The following CKM variants were observed in gnomAD, a reference collection of about 807,000 sequenced individuals.
The protein encoded by CKM is creatine kinase M-type.
CKM carries 28 observed loss-of-function variants against 35.4 expected under a neutral mutation model. The ratio of observed to expected loss-of-function variants is 0.79; its 90% CI spans 0.59 to 1.08. CKM has a LOEUF of 1.08. Among genes scored for constraint, CKM ranks in the 50% least tolerant of loss-of-function variants. The probability of loss-of-function intolerance (pLI) is 0.00; values close to 1 mark genes in which losing one functional copy is unlikely to be tolerated. For missense variants in CKM, 484 were observed against 509.8 expected (o/e 0.95, Z 0.49); for synonymous variants, 215 against 204.4 (o/e 1.05, Z -0.44).
In CKM at chr19:45,306,838, A is replaced by G; in HGVS notation, c.1058T>C (p.Val353Ala). The G allele has an allele frequency of 1.9e-6, 3 of 1,614,170 alleles. No homozygotes were observed. The highest frequency in any genetic ancestry group is 2.5e-6 in the Non-Finnish European group (3 of 1,180,024). Residue 353 changes from valine to alanine, a missense_variant, in exon 8 of 8, where the codon GTG becomes GCG. Val to Ala is a moderately conservative substitution (Grantham distance 64, BLOSUM62 0). Coordinates refer to ENST00000221476, the MANE Select transcript of CKM (RefSeq NM_001824.5). This position sits in a 1 kb window ranked among gnomAD's most constrained non-coding sequence, Gnocchi z 4.5. ...GSSEVEQVQL[V>A]VDGVKLMVEM... is the part of the protein sequence containing the mutation. ...CACCATGAGCTTCACACCATCCACC[A>G]CCAGCTGCACCTGTTCTACTTCGGA...
In CKM at chr19:45,315,383, CA is replaced by C. The variant is rs1971146999; in HGVS notation, c.481+81del. 3.3e-6 allele frequency: 5 copies of C among 1,516,262 alleles called. No individual in the cohort carries two copies. In the East Asian group the frequency reaches 1.2e-4, roughly 35 times the overall value. The allele number at this position is 1,516,262 out of a possible 1,614,324, so 93.9% of individuals were successfully genotyped here. ...TCCCCTACTTTGAAAAGCGGGGGCC[CA>C]AAGAGACCCGAGGACCTGCCCATGG... On this transcript the variant is annotated intron_variant, in intron 4 of 7. Transcript: ENST00000221476.
In CKM at chr19:45,311,883, G is replaced by C; in HGVS notation, c.519C>G (p.Tyr173Ter). ...NSLTGEFKGK[Y>*]YPLKSMTEKE... ...TCTCCGTCATGCTCTTCAGAGGGTA[G>C]TACTTCCCTTTGAACTCGCCCGTCA... Residue 173 changes from tyrosine (Y) to a stop codon, truncating the protein, a stop_gained, in exon 5 of 8, where the codon TAC becomes TAG. Coordinates refer to ENST00000221476, the MANE Select transcript of CKM (RefSeq NM_001824.5). LOFTEE classifies it high-confidence loss of function. The C allele has an allele frequency of 6.2e-7, 1 of 1,614,058 alleles. No homozygotes were observed. Among genetic ancestry groups the C allele is most frequent in the Non-Finnish European group, 8.5e-7 (1 of 1,179,956 alleles).
At chr19:45,311,713 G>A (rs756981797) in intron 5 of CKM, 36 bp downstream of exon 5, 7 of 1,534,746 alleles carry the variant, frequency 4.6e-6, no homozygotes, top group Middle Eastern at 1.9e-4. Flanking sequence ...AGGAGGCTGG[G>A]GGAAGAGGAA....
chr19:45,316,792 C>G (rs1971162599), intron 3 of CKM, among the ~76,000 whole-genome samples: 1 of 151,552 alleles, frequency 6.6e-6, no homozygotes, highest in African/African-American at 2.4e-5. Flanking sequence ...TAGGCAGAGT[C>G]TCGCTCTGTC....
chr19:45,318,510 G>C (rs1971181334), intron 2 of CKM, among the ~76,000 whole-genome samples: 1 of 151,890 alleles, frequency 6.6e-6, no homozygotes, highest in South Asian at 2.1e-4. Context: ...TGGGAGAGAA[G>C]AAAGAGTGCT....
Position 45,317,806 on chromosome 19 carries a change from C to T in CKM, c.348+19G>A. The T allele has an allele frequency of 6.2e-7, 1 of 1,614,014 alleles. No individual in the cohort carries two copies. The highest frequency in any genetic ancestry group is 1.3e-5 in the African/African-American group (1 of 75,020). On this transcript the variant is annotated intron_variant, in intron 3 of 7. Transcript: ENST00000221476. The stretch of plus-strand genomic sequence containing the variant: ...CTCCTCCTCACCCCTCGGCCCTCCC[C>T]TCCTGCGCAGACACCGACCTTGAGG...
intron 3 of CKM, among the ~76,000 whole-genome samples, chr19:45,316,843 T>C (rs1223793117): frequency 6.6e-6 from 1 of 151,238 alleles, no homozygotes; most frequent in Non-Finnish European, 1.5e-5. Context: ...AACACCAGCA[T>C]GCCTAGCTAA....
At position 45,311,863 on chromosome 19, in the gene CKM, G is replaced by A. The variant is rs145987658; in HGVS notation, c.539C>T (p.Thr180Met). ...KGKYYPLKSM[T>M]EKEQQQLIDD... is the part of the protein sequence containing the mutation. Reference sequence around the variant, plus strand: ...GATGAGCTGCTGCTGCTCCTTCTCCGTCATGCTCTTCAGAGGGTAGTACTT... The same window carrying A: ...GATGAGCTGCTGCTGCTCCTTCTCCATCATGCTCTTCAGAGGGTAGTACTT... Residue 180 changes from threonine (T) to methionine (M), a missense_variant, in exon 5 of 8, where the codon ACG (threonine) becomes ATG (methionine). Thr to Met is a moderately conservative substitution (Grantham distance 81). Coordinates refer to ENST00000221476, the MANE Select transcript of CKM (RefSeq NM_001824.5). 274 of 1,613,836 alleles carry A rather than the reference G, an allele frequency of 1.7e-4. No individual in the cohort carries two copies. The highest frequency in any genetic ancestry group is 2.2e-4 in the Non-Finnish European group (257 of 1,179,950).
intron 3 of CKM, among the ~76,000 whole-genome samples, chr19:45,317,052 C>T (rs568832073): frequency 5.3e-5 from 8 of 151,946 alleles, no homozygotes; most frequent in African/African-American, 1.9e-4. Flanking sequence ...GTCTGTCTGT[C>T]TCCTTGGTTG....
Position 45,319,579 on chromosome 19 carries a change from C to G in CKM, c.135G>C (p.Lys45Asn). 6.2e-7 allele frequency: 1 copy of G among 1,614,120 alleles called. No homozygotes were observed. The highest frequency in any genetic ancestry group is 8.5e-7 in the Non-Finnish European group (1 of 1,180,010). ...CTACAGTGAAGCCAGATGGAGTCTCCTTGTCCCGCAGCTTCTTGTAGAGTT... is the reference window on the plus strand; with the variant it reads ...CTACAGTGAAGCCAGATGGAGTCTCGTTGTCCCGCAGCTTCTTGTAGAGTT... ...TLELYKKLRD[K>N]ETPSGFTVDD... Residue 45 changes from lysine (K) to asparagine (N), a missense_variant, in exon 2 of 8, where the codon AAG becomes AAC. By Grantham distance (94) the Lys-to-Asn change is moderately conservative. Coordinates refer to ENST00000221476, the MANE Select transcript of CKM (RefSeq NM_001824.5).
chr19:45,322,420 C>A (rs1213447042), intron 1 of CKM, among the ~76,000 whole-genome samples: 1 of 152,250 alleles, frequency 6.6e-6, no homozygotes, highest in Non-Finnish European at 1.5e-5. Context: ...GCCTGCGACA[C>A]CTGCTCTTGC....
intron 2 of CKM, among the ~76,000 whole-genome samples, chr19:45,319,031 A>AT (rs1971186129): frequency 6.6e-6 from 1 of 151,522 alleles, no homozygotes; most frequent in Non-Finnish European, 1.5e-5. Flanking sequence ...ATTTTTTTGT[A>AT]TTTTTTGTAG....
intron 2 of CKM, among the ~76,000 whole-genome samples, chr19:45,318,614 A>G (rs1199807235): frequency 3.3e-5 from 5 of 152,086 alleles, no homozygotes; most frequent in Admixed American, 1.3e-4. Context: ...AAGTCATGAC[A>G]TCTTAGCCTG....
intron 6 of CKM, among the ~76,000 whole-genome samples, 193 bp from the exon 7 acceptor site, chr19:45,307,843 G>A (rs1435124011): frequency 2.0e-5 from 3 of 150,754 alleles, no homozygotes; most frequent in Non-Finnish European, 4.4e-5. Context: ...GAGGGGCGGG[G>A]ACTAAGAACG....
chr19:45,310,665 C>T (rs8109616), intron 5 of CKM, among the ~76,000 whole-genome samples: 3,377 of 150,090 alleles, frequency 0.022, 148 homozygotes, highest in African/African-American at 0.078. Flanking sequence ...TGCAGTACCT[C>T]GGTCATGATT....
chr19:45,306,739 T>A lies in CKM; in HGVS notation c.*11A>T, dbSNP rs759226984. On this transcript the variant is annotated 3_prime_UTR_variant, in exon 8 of 8. Transcript: ENST00000221476. The surrounding 1 kb of genome is among the most constrained non-coding windows in gnomAD (Gnocchi z 4.5). Reference sequence around the variant, plus strand: ...CTGGGTTCCAGCAGTCGGTGGCAGGTGGGCAGGCGCCTACTTCTGGGCGGG... The same window carrying A: ...CTGGGTTCCAGCAGTCGGTGGCAGGAGGGCAGGCGCCTACTTCTGGGCGGG... 1 of 1,613,580 alleles carries A rather than the reference T, an allele frequency of 6.2e-7. No homozygotes were observed. The highest frequency in any genetic ancestry group is 8.5e-7 in the Non-Finnish European group (1 of 1,179,970).
chr19:45,311,360 A>G (rs2123134942), intron 5 of CKM, among the ~76,000 whole-genome samples: 1 of 151,916 alleles, frequency 6.6e-6, no homozygotes, highest in South Asian at 2.1e-4. Flanking sequence ...CATCTTCCCA[A>G]GTAGCTGGGA....
At chr19:45,316,768 C>G (rs113021144) in intron 3 of CKM, among the ~76,000 whole-genome samples, 34 of 151,718 alleles carry the variant, frequency 2.2e-4, no homozygotes, top group Non-Finnish European at 3.5e-4. Context: ...CCTCTCCCCC[C>G]ACCCTTTTTT....
intron 5 of CKM, among the ~76,000 whole-genome samples, chr19:45,309,327 G>A (rs1035153315): frequency 2.0e-5 from 3 of 152,056 alleles, no homozygotes; most frequent in Admixed American, 6.5e-5. Context: ...GGCCAAGGCC[G>A]GAGGATTGCT....
Sources: gnomAD v4.1 joint callset for allele counts (sites outside exome capture counted in the v4.1 genomes callset) on GRCh38, gnomAD v4.1.1 for gene constraint, Gnocchi (gnomAD v3.1) non-coding constraint, MANE v1.5 for transcripts, NCBI Gene and HGNC (gene_info 2026-07-23, HGNC 2026-07-21) for gene names.